GLIS1: variants seen among roughly 807,000 people sequenced by gnomAD.
GLIS1 encodes the protein GLIS family zinc finger 1.
Under a neutral mutation model 63.8 loss-of-function variants are expected in GLIS1, and 24 were observed. That is an observed-to-expected ratio of 0.38 (90% confidence interval 0.27 to 0.53). GLIS1 has a LOEUF of 0.53. GLIS1 is among the 20% of genes least tolerant of loss of function. The pLI is 0.85. For missense variants in GLIS1, 1,036 were observed against 1,074.1 expected, an observed-to-expected ratio of 0.96 and a Z score of 0.50; for synonymous variants, 450 against 482.5, an observed-to-expected ratio of 0.93 and a Z score of 0.88.
chr1:53,661,172 G>A (rs558961688), intron 2 of GLIS1, among the ~76,000 whole-genome samples: 2 of 152,208 alleles, frequency 1.3e-5, no homozygotes, highest in Non-Finnish European at 2.9e-5. Flanking sequence ...GAGGTCCACA[G>A]GTGGGGGTCC....
At chr1:53,699,313 C>G (rs1176873734) in intron 2 of GLIS1, among the ~76,000 whole-genome samples, 2 of 152,166 alleles carry the variant, frequency 1.3e-5, no homozygotes, top group Non-Finnish European at 2.9e-5. Context: ...ATCCACCCAC[C>G]TCGGCCTCCC....
chr1:53,649,882 A>C (rs964740478), intron 2 of GLIS1, among the ~76,000 whole-genome samples: 5 of 152,220 alleles, frequency 3.3e-5, no homozygotes, highest in African/African-American at 7.2e-5. Flanking sequence ...TCTGATCAAC[A>C]GTAGGTCATT....
intron 2 of GLIS1, among the ~76,000 whole-genome samples, chr1:53,706,911 A>C (rs991708158): frequency 6.6e-6 from 1 of 152,194 alleles, no homozygotes; most frequent in African/African-American, 2.4e-5. Context: ...TAGTGCACGA[A>C]AAGCCCTTCA....
chr1:53,699,967 C>T (rs1379322987), intron 2 of GLIS1, among the ~76,000 whole-genome samples: 1 of 152,156 alleles, frequency 6.6e-6, no homozygotes, highest in Non-Finnish European at 1.5e-5. Context: ...ATATACAACC[C>T]TAAAACACAG....
intron 2 of GLIS1, among the ~76,000 whole-genome samples, chr1:53,716,477 A>G (rs186643167): frequency 1.3e-5 from 2 of 148,602 alleles, no homozygotes; most frequent in Non-Finnish European, 2.9e-5. Context: ...GAAAGGAGTA[A>G]CAACAATCAA....
At chr1:53,671,386 C>T (rs1158781351) in intron 2 of GLIS1, among the ~76,000 whole-genome samples, 1 of 152,136 alleles carries the variant, frequency 6.6e-6, no homozygotes, top group East Asian at 1.9e-4. Flanking sequence ...CCAGAAAGGC[C>T]ATGTCCACCA....
intron 2 of GLIS1, among the ~76,000 whole-genome samples, chr1:53,659,614 T>C (rs1646004231): frequency 6.6e-6 from 1 of 152,074 alleles, no homozygotes; most frequent in Non-Finnish European, 1.5e-5. Flanking sequence ...CCAGAGCCAA[T>C]AATGTTTGTG....
intron 5 of GLIS1, among the ~76,000 whole-genome samples, chr1:53,528,633 C>T (rs767112665): frequency 2.6e-5 from 4 of 152,076 alleles, no homozygotes; most frequent in Admixed American, 1.3e-4. Flanking sequence ...TCGGTTTTCC[C>T]GGCTCTAAGG....
Position 53,668,235 on chromosome 1 carries a change from T to TACATAC in GLIS1, c.260-67963_260-67958dup, listed in dbSNP as rs1486154496. Among the ~76,000 whole-genome samples the TACATAC allele has an allele frequency of 2.0e-5, 3 of 152,252 alleles. No homozygotes were observed. The East Asian group carries it at 5.8e-4, about 29-fold the overall frequency. ...GATGCTTAGCAGCATCAAGAGTCACTACATACACATACACACATACACTCG... is the reference window on the plus strand; with the variant it reads ...GATGCTTAGCAGCATCAAGAGTCACTACATACACATACACATACACACATACACTCG... On this transcript the variant is annotated intron_variant, in intron 2 of 10. Coordinates refer to ENST00000628545, the MANE Select transcript of GLIS1 (RefSeq NM_001367484.1).
chr1:53,601,529 C>T (rs556994819), intron 2 of GLIS1, among the ~76,000 whole-genome samples: 1 of 152,286 alleles, frequency 6.6e-6, no homozygotes, highest in South Asian at 2.1e-4. Flanking sequence ...CAGCATCTGC[C>T]GAGCAGCCTG....
chr1:53,724,474 T>G (rs1646786396), intron 2 of GLIS1, among the ~76,000 whole-genome samples: 1 of 152,180 alleles, frequency 6.6e-6, no homozygotes, highest in Admixed American at 6.5e-5. Flanking sequence ...AGTGTTTTTG[T>G]GGAGAAGCAA....
intron 2 of GLIS1, among the ~76,000 whole-genome samples, chr1:53,643,790 A>G (rs894188877): frequency 6.6e-6 from 1 of 152,158 alleles, no homozygotes; most frequent in East Asian, 1.9e-4. Flanking sequence ...GTCTCCTAGC[A>G]CTTCAGCCAT....
chr1:53,709,173 G>C (rs2694594), intron 2 of GLIS1, among the ~76,000 whole-genome samples: 95,681 of 151,750 alleles, frequency 0.63, 32,160 homozygotes, highest in Non-Finnish European at 0.73. Flanking sequence ...GTTTACAGAA[G>C]TCAGAGACGG....
At chr1:53,592,500 G>C (rs1262844856) in intron 4 of GLIS1, among the ~76,000 whole-genome samples, 2 of 152,186 alleles carry the variant, frequency 1.3e-5, no homozygotes, top group Non-Finnish European at 2.9e-5. Flanking sequence ...GTCAGCTCCA[G>C]GGTCTCGGGG....
At chr1:53,700,232 G>A (rs1195854854) in intron 2 of GLIS1, among the ~76,000 whole-genome samples, 1 of 152,192 alleles carries the variant, frequency 6.6e-6, no homozygotes, top group Non-Finnish European at 1.5e-5. Context: ...TGCTCTGGAT[G>A]CGCCCCCCAG....
intron 2 of GLIS1, among the ~76,000 whole-genome samples, chr1:53,661,496 G>A (rs551977536): frequency 6.6e-6 from 1 of 152,264 alleles, no homozygotes; most frequent in African/African-American, 2.4e-5. Context: ...CCAAATGCCT[G>A]GTCTTCTAGA....
At chr1:53,700,119 G>A (rs1646507196) in intron 2 of GLIS1, among the ~76,000 whole-genome samples, 1 of 152,166 alleles carries the variant, frequency 6.6e-6, no homozygotes, top group Non-Finnish European at 1.5e-5. Flanking sequence ...GCTCAGCCAG[G>A]GTCTCAGCCC....
intron 2 of GLIS1, among the ~76,000 whole-genome samples, chr1:53,692,792 G>A (rs1646420929): frequency 6.6e-6 from 1 of 152,210 alleles, no homozygotes; most frequent in Admixed American, 6.5e-5. Context: ...TCTCCCCACT[G>A]GGCTGGAACC....
chr1:53,651,884 A>C (rs1229605568), intron 2 of GLIS1, among the ~76,000 whole-genome samples: 1 of 152,066 alleles, frequency 6.6e-6, no homozygotes, highest in Non-Finnish European at 1.5e-5. Context: ...AAAAAAAAAA[A>C]AAAAAAAGCA....
Sources: allele counts gnomAD v4.1 joint callset (sites outside exome capture counted in the v4.1 genomes callset), GRCh38; gene constraint gnomAD v4.1.1; transcripts MANE v1.5; gene names NCBI Gene and HGNC (gene_info 2026-07-23, HGNC 2026-07-21).